PRORP: variants seen among roughly 807,000 people sequenced by gnomAD.
PRORP encodes protein only RNase P catalytic subunit.
PRORP carries 51 observed loss-of-function variants against 59.4 expected under a neutral mutation model. That is an observed-to-expected ratio of 0.86 (90% CI 0.69 to 1.08). The LOEUF (loss-of-function observed/expected upper bound fraction) is 1.08. PRORP is among the 50% of genes least tolerant of loss of function. The pLI, the probability that PRORP is intolerant of heterozygous loss-of-function variation, is 0.00. For missense variants in PRORP, 646 were observed against 690.3 expected, an observed-to-expected ratio of 0.94 and a Z score of 0.72; for synonymous variants, 231 against 245.6, an observed-to-expected ratio of 0.94 and a Z score of 0.55.
intron 5 of PRORP, among the ~76,000 whole-genome samples, chr14:35,244,476 T>C (rs2138559372): frequency 6.6e-6 from 1 of 151,696 alleles, no homozygotes; most frequent in Middle Eastern, 3.4e-3. Context: ...ATTTTGCACA[T>C]GGGGAAACTT....
At chr14:35,242,280 CT>C (rs2138549348) in intron 5 of PRORP, among the ~76,000 whole-genome samples, 1 of 152,284 alleles carries the variant, frequency 6.6e-6, no homozygotes, top group African/African-American at 2.4e-5. Context: ...GCTGAACCTA[CT>C]CTGCATATAT....
At chr14:35,256,413 C>T (rs1348743516) in intron 5 of PRORP, among the ~76,000 whole-genome samples, 1 of 140,742 alleles carries the variant, frequency 7.1e-6, no homozygotes, top group Non-Finnish European at 1.5e-5. Context: ...CTCACTGCAG[C>T]CTCCGCCTCC....
intron 4 of PRORP, among the ~76,000 whole-genome samples, chr14:35,131,685 T>C (rs371202473): frequency 1.7e-3 from 249 of 147,208 alleles, no homozygotes; most frequent in African/African-American, 6.0e-3. Context: ...TCTGCCACCA[T>C]ACCCAGCTAA....
intron 4 of PRORP, among the ~76,000 whole-genome samples, chr14:35,166,094 G>A (rs1281922978): frequency 2.0e-5 from 3 of 152,002 alleles, no homozygotes; most frequent in African/African-American, 7.2e-5. Context: ...TTAAAAGTTG[G>A]ATCTCTGTTC....
intron 4 of PRORP, among the ~76,000 whole-genome samples, chr14:35,167,927 G>T (rs141648033): frequency 2.0e-5 from 3 of 152,306 alleles, no homozygotes; most frequent in African/African-American, 7.2e-5. Context: ...ATGTGCTGCA[G>T]ACACCAGATA....
intron 7 of PRORP, among the ~76,000 whole-genome samples, chr14:35,273,182 C>A (rs140889408): frequency 6.6e-6 from 1 of 152,068 alleles, no homozygotes; most frequent in Admixed American, 6.6e-5. Context: ...AACAAAAGAA[C>A]GTCTGTATTA....
At chr14:35,256,961 C>T (rs540492868) in intron 5 of PRORP, among the ~76,000 whole-genome samples, 13 of 151,444 alleles carry the variant, frequency 8.6e-5, no homozygotes, top group African/African-American at 2.9e-4. Flanking sequence ...CAACCTCCTC[C>T]TCCTAGGTTC....
At chr14:35,268,283 T>C (rs2051096560) in intron 6 of PRORP, among the ~76,000 whole-genome samples, 1 of 142,570 alleles carries the variant, frequency 7.0e-6, no homozygotes, top group South Asian at 2.2e-4. Flanking sequence ...AAGCCGAGGT[T>C]GCAGTGAGCC....
intron 4 of PRORP, chr14:35,158,092 T>G: frequency 1.5e-5 from 4 of 272,192 alleles, no homozygotes. Flanking sequence ...AGTCCTTCAG[T>G]TTTTGAACTT....
intron 4 of PRORP, among the ~76,000 whole-genome samples, chr14:35,174,743 T>G (rs1448791992): frequency 2.1e-5 from 2 of 94,158 alleles, no homozygotes; most frequent in African/African-American, 4.2e-5. Flanking sequence ...ATTCTTCTTT[T>G]TTTTTTCTTT....
chr14:35,173,204 G>A (rs2048364247), intron 4 of PRORP, among the ~76,000 whole-genome samples: 1 of 152,052 alleles, frequency 6.6e-6, no homozygotes, highest in Non-Finnish European at 1.5e-5. Flanking sequence ...TTTCTTGACT[G>A]TGGATCACAT....
Position 35,123,081 on chromosome 14 carries a change from A to G in PRORP, c.-165A>G. ...CTCACCTGCCTTCTTGCTTTTAAGT[A>G]GCCCCAAAAGCAGAACCTTGATTTG... is the stretch of plus-strand genomic sequence containing the variant. On this transcript the variant is annotated 5_prime_UTR_variant, in exon 2 of 8. Transcript: ENST00000534898. 1 of 701,914 alleles carries G rather than the reference A, an allele frequency of 1.4e-6. No homozygotes were observed. The highest frequency in any genetic ancestry group is 2.0e-5 in the South Asian group (1 of 50,130). The allele number at this position is 701,914 out of a possible 1,614,324, so 43.5% of individuals were successfully genotyped here.
chr14:35,158,954 AT>A, intron 4 of PRORP: 1 of 344,926 alleles, frequency 2.9e-6, no homozygotes, highest in South Asian at 2.7e-5. Flanking sequence ...CTCTTCACTG[AT>A]TCTCTGGATA....
chr14:35,185,026 T>C (rs1015674927), intron 5 of PRORP, among the ~76,000 whole-genome samples: 2 of 152,220 alleles, frequency 1.3e-5, no homozygotes, highest in Non-Finnish European at 2.9e-5. Context: ...TCTACTCATC[T>C]GGGTATATGC....
At position 35,274,904 on chromosome 14, in the gene PRORP, T is replaced by G. The variant is rs1226747249; in HGVS notation, c.*1338T>G. On this transcript the variant is annotated 3_prime_UTR_variant, in exon 8 of 8. Coordinates refer to ENST00000534898, the MANE Select transcript of PRORP (RefSeq NM_014672.4). ...TTACATTTCTGTTTTTTCCACTCAC[T>G]AGCCAGCTTACAGTTTATTAGCCCT... is the stretch of plus-strand genomic sequence containing the variant. 6.6e-6 allele frequency: 1 copy of G among 152,222 alleles called. No homozygotes were observed. The highest frequency in any genetic ancestry group is 1.5e-5 in the Non-Finnish European group (1 of 68,040). 9.4% of individuals were successfully genotyped at this position (152,222 alleles called of 1,614,324 possible). A position where few individuals can be genotyped will look rare whatever the true frequency, so the allele number is the denominator to read the frequency against.
intron 5 of PRORP, among the ~76,000 whole-genome samples, chr14:35,204,495 A>T (rs531075445): frequency 1.3e-5 from 2 of 152,296 alleles, no homozygotes; most frequent in South Asian, 2.1e-4. Context: ...CCACAACTAC[A>T]TTGATCTGAA....
At chr14:35,183,874 A>G (rs2048679625) in intron 5 of PRORP, among the ~76,000 whole-genome samples, 1 of 152,194 alleles carries the variant, frequency 6.6e-6, no homozygotes, top group Admixed American at 6.5e-5. Flanking sequence ...TTAATGAAAT[A>G]GTTCCAGAAA....
chr14:35,141,409 A>T (rs2047478054), intron 4 of PRORP, among the ~76,000 whole-genome samples: 1 of 143,304 alleles, frequency 7.0e-6, no homozygotes, highest in Admixed American at 7.3e-5. Flanking sequence ...TCAGGTGTGT[A>T]CCATCACATC....
At chr14:35,257,775 G>A (rs2050796823) in intron 5 of PRORP, among the ~76,000 whole-genome samples, 1 of 152,158 alleles carries the variant, frequency 6.6e-6, no homozygotes, top group African/African-American at 2.4e-5. Context: ...TTTCTGAACA[G>A]CTACAATCCA....
Sources: allele counts gnomAD v4.1 joint callset (sites outside exome capture counted in the v4.1 genomes callset), GRCh38; gene constraint gnomAD v4.1.1; transcripts MANE v1.5; gene names NCBI Gene and HGNC (gene_info 2026-07-23, HGNC 2026-07-21).